Variants in CLEC20A observed in about 807,000 individuals in gnomAD.
The protein encoded by CLEC20A is C-type lectin domain containing 20A, also known as putative C-type lectin domain family 20 member A.
At chr1:178,496,720 C>T (rs1482246394) in intron 1 of CLEC20A, 180 bp downstream of exon 1, 7 of 397,294 alleles carry the variant, frequency 1.8e-5, no homozygotes, top group South Asian at 1.4e-4. Flanking sequence ...TGGTTAGGGG[C>T]GATGAGGGCG....
chr1:178,490,347 G>A lies in CLEC20A; in HGVS notation c.554C>T (p.Thr185Met), dbSNP rs527461692. The change falls in exon 4 of 8, where the codon ACG becomes ATG. Residue 185 changes from threonine to methionine, a missense_variant. Thr to Met is a moderately conservative substitution (Grantham distance 81). Transcript: ENST00000623247. ...CACCATCTGCAGGTCGGCCAGATCC[G>A]TGTGGTGGCTGCGGCAGTACAGCAG... is the stretch of plus-strand genomic sequence containing the variant. 1.0e-4 allele frequency: 40 copies of A among 398,704 alleles called. No homozygotes were observed. In the South Asian group the frequency reaches 4.5e-3, roughly 44 times the overall value. The allele number at this position is 398,704 out of a possible 1,614,324, so 24.7% of individuals were successfully genotyped here.
intron 5 of CLEC20A, among the ~76,000 whole-genome samples, chr1:178,486,143 A>G (rs1649135084): frequency 1.3e-5 from 2 of 152,184 alleles, no homozygotes. Flanking sequence ...TCTCCCCCAG[A>G]TCACCCCACT....
chr1:178,498,509 G>A (rs1440458123), upstream of CLEC20A, among the ~76,000 whole-genome samples: 1 of 152,186 alleles, frequency 6.6e-6, no homozygotes, highest in Non-Finnish European at 1.5e-5. Context: ...AGGATTGCTT[G>A]AGCATGGGAG....
intron 3 of CLEC20A, among the ~76,000 whole-genome samples, chr1:178,491,420 C>G (rs942041644): frequency 1.3e-5 from 2 of 152,172 alleles, no homozygotes; most frequent in African/African-American, 4.8e-5. Context: ...TCCAATTTCC[C>G]TAACATTTTC....
chr1:178,489,887 C>T (rs1272333150), intron 4 of CLEC20A, among the ~76,000 whole-genome samples, 185 bp downstream of exon 4: 3 of 152,220 alleles, frequency 2.0e-5, no homozygotes, highest in African/African-American at 4.8e-5. Flanking sequence ...TAAAATAATA[C>T]AACTTCCTCA....
intron 2 of CLEC20A, 76 bp from the exon 3 acceptor site, chr1:178,492,642 C>T (rs922709079): frequency 1.0e-5 from 4 of 398,264 alleles, no homozygotes; most frequent in South Asian, 1.3e-4. Context: ...CGGTTATAGC[C>T]GGGAAAACCT....
chr1:178,487,952 G>A (rs1649189671), intron 5 of CLEC20A, among the ~76,000 whole-genome samples: 1 of 152,204 alleles, frequency 6.6e-6, no homozygotes, highest in African/African-American at 2.4e-5. Context: ...CTGTGAAGAT[G>A]TTTCAGAAAT....
chr1:178,486,225 CT>C (rs1649138512), intron 5 of CLEC20A, among the ~76,000 whole-genome samples: 1 of 152,226 alleles, frequency 6.6e-6, no homozygotes, highest in African/African-American at 2.4e-5. Context: ...GACAGGACCC[CT>C]GTAGGATGCG....
chr1:178,495,261 A>G (rs80242631), intron 1 of CLEC20A, among the ~76,000 whole-genome samples: 1,896 of 152,340 alleles, frequency 0.012, 29 homozygotes, highest in African/African-American at 0.044. Context: ...TTTACAAATG[A>G]AGGAACCAAG....
chr1:178,497,574 G>A (rs1432794704), upstream of CLEC20A, among the ~76,000 whole-genome samples: 1 of 152,186 alleles, frequency 6.6e-6, no homozygotes, highest in East Asian at 1.9e-4. Flanking sequence ...AGACCCTTCT[G>A]TCCAATCATA....
At chr1:178,499,571 A>T (rs1368610517), upstream of CLEC20A, 1 of 152,204 alleles carries the variant, frequency 6.6e-6, no homozygotes, top group Admixed American at 6.5e-5. Context: ...GCCCTTGAAC[A>T]TCGGACTCCG....
intron 3 of CLEC20A, among the ~76,000 whole-genome samples, chr1:178,491,035 G>A (rs1649255317): frequency 6.6e-6 from 1 of 152,218 alleles, no homozygotes; most frequent in Non-Finnish European, 1.5e-5. Context: ...GGAGGGATGG[G>A]CCTGGTGGAC....
chr1:178,487,880 G>A (rs1376451130), intron 5 of CLEC20A, among the ~76,000 whole-genome samples: 1 of 152,242 alleles, frequency 6.6e-6, no homozygotes, highest in Non-Finnish European at 1.5e-5. Flanking sequence ...GGAAAACGGT[G>A]ATTTTGCCCT....
intron 3 of CLEC20A, 140 bp from the exon 4 acceptor site, chr1:178,490,577 A>T (rs1448118527): frequency 2.5e-6 from 1 of 397,154 alleles, no homozygotes; most frequent in Non-Finnish European, 4.4e-6. Context: ...TGATCAAAAC[A>T]ACAGTTTTAT....
At chr1:178,482,975 A>C (rs749826394) in intron 6 of CLEC20A, 200 bp downstream of exon 6, 19 of 383,612 alleles carry the variant, frequency 5.0e-5, no homozygotes, top group Non-Finnish European at 7.4e-5. Flanking sequence ...GAGAAATAGA[A>C]ATTCAGAAAC....
chr1:178,496,303 G>C (rs533677485), intron 1 of CLEC20A: 1 of 152,340 alleles, frequency 6.6e-6, no homozygotes, highest in East Asian at 1.9e-4. Context: ...CTCTACCCTC[G>C]GCAGTCCCCA....
chr1:178,489,975 G>A (rs1054813578), intron 4 of CLEC20A, 97 bp downstream of exon 4: 53 of 397,712 alleles, frequency 1.3e-4, no homozygotes, highest in Non-Finnish European at 2.7e-5. Flanking sequence ...GCTTCCTTGG[G>A]TCTATCCTCA....
At chr1:178,487,392 G>A (rs2493859) in intron 5 of CLEC20A, among the ~76,000 whole-genome samples, 40,779 of 152,032 alleles carry the variant, frequency 0.27, 7,085 homozygotes, top group African/African-American at 0.5. Context: ...TGACTCACAG[G>A]GGGCCCGGCC....
At chr1:178,491,423 A>G (rs77210282) in intron 3 of CLEC20A, among the ~76,000 whole-genome samples, 7,334 of 152,168 alleles carry the variant, frequency 0.048, 617 homozygotes, top group African/African-American at 0.16. Context: ...AATTTCCCTA[A>G]CATTTTCCCT....
Sources: gnomAD v4.1 joint callset for allele counts (sites outside exome capture counted in the v4.1 genomes callset) on GRCh38, gnomAD v4.1.1 for gene constraint, MANE v1.5 for transcripts, NCBI Gene and HGNC (gene_info 2026-07-23, HGNC 2026-07-21) for gene names.